Variants in ENPP3 observed in about 807,000 individuals in gnomAD.
The protein encoded by ENPP3 is ectonucleotide pyrophosphatase/phosphodiesterase 3, also known as ectonucleotide pyrophosphatase/phosphodiesterase family member 3.
Under a neutral mutation model 117.8 loss-of-function variants are expected in ENPP3, and 104 were observed. That is an observed-to-expected ratio of 0.88 (90% CI 0.75 to 1.04). The LOEUF is 1.04. ENPP3 is among the 50% of genes least tolerant of loss of function. The pLI, the probability that ENPP3 is intolerant of heterozygous loss-of-function variation, is 0.00. For synonymous variants in ENPP3, 380 were observed against 349.9 expected (o/e 1.09, Z -0.96); for missense variants, 1,026 against 1,051.9 (o/e 0.98, Z 0.34).
chr6:131,678,907 CTCTTTCTTTCTTTCTTTCTTTCTT>C (rs60304793), intron 11 of ENPP3, among the ~76,000 whole-genome samples: 11 of 71,720 alleles, frequency 1.5e-4, no homozygotes, highest in African/African-American at 5.2e-4. Flanking sequence ...CTTTCTTTCT[CTCTTTCTTTCTTTCTTTCTTTCTT>C]TCTTTCTTTC....
At chr6:131,680,174 A>G (rs1778994151) in intron 11 of ENPP3, among the ~76,000 whole-genome samples, 1 of 152,202 alleles carries the variant, frequency 6.6e-6, no homozygotes, top group Non-Finnish European at 1.5e-5. Context: ...CAGAAAAGAG[A>G]TAACAGTGAT....
In ENPP3 at chr6:131,672,154, G is replaced by A. The variant is rs181833899; in HGVS notation, c.642+827G>A. On this transcript the variant is annotated intron_variant, in intron 7 of 24. Transcript: ENST00000357639. ...GGTCATTTGCAGCCATCACAAAGAAGCACAAAAAGTTGAGTTGCCCAATGC... is the reference window on the plus strand; with the variant it reads ...GGTCATTTGCAGCCATCACAAAGAAACACAAAAAGTTGAGTTGCCCAATGC... Among the ~76,000 whole-genome samples the A allele has an allele frequency of 7.2e-4, 109 of 152,294 alleles. No homozygotes were observed. The East Asian group carries it at 0.018, about 26-fold the overall frequency.
chr6:131,669,478 G>A (rs1036432113), intron 6 of ENPP3, among the ~76,000 whole-genome samples: 2 of 151,550 alleles, frequency 1.3e-5, no homozygotes, highest in Non-Finnish European at 2.9e-5. Flanking sequence ...ATCGAGACAA[G>A]CCTGGCTAAC....
At chr6:131,660,963 T>C (rs1778486519) in intron 6 of ENPP3, among the ~76,000 whole-genome samples, 1 of 152,230 alleles carries the variant, frequency 6.6e-6, no homozygotes, top group Admixed American at 6.5e-5. Flanking sequence ...GATAACCTCA[T>C]ATAAGTGGAA....
At chr6:131,722,130 G>T (rs1401076666) in intron 17 of ENPP3, 97 bp from the exon 18 acceptor site, 5 of 786,182 alleles carry the variant, frequency 6.4e-6, no homozygotes, top group Non-Finnish European at 1.0e-5. Context: ...TTATTAAAGG[G>T]AGTGAAAGAG....
intron 17 of ENPP3, 150 bp from the exon 18 acceptor site, chr6:131,722,077 A>C (rs138117436): frequency 1.7e-6 from 1 of 589,016 alleles, no homozygotes; most frequent in Non-Finnish European, 3.0e-6. Flanking sequence ...AAAGTCAGTA[A>C]ACTGAATGGC....
At chr6:131,709,787 C>G (rs746243000) in intron 15 of ENPP3, 1 of 1,613,500 alleles carries the variant, frequency 6.2e-7, no homozygotes, top group African/African-American at 1.3e-5. Flanking sequence ...TCTTCTTCCT[C>G]TATTCGGTAA....
chr6:131,661,213 T>A (rs1778492728), intron 6 of ENPP3, among the ~76,000 whole-genome samples: 1 of 152,150 alleles, frequency 6.6e-6, no homozygotes, highest in Non-Finnish European at 1.5e-5. Flanking sequence ...CTCTTTGAGA[T>A]CCTGATTTCA....
At chr6:131,720,968 G>A (rs1311646289) in intron 17 of ENPP3, among the ~76,000 whole-genome samples, 1 of 151,872 alleles carries the variant, frequency 6.6e-6, no homozygotes, top group Admixed American at 6.6e-5. Context: ...ATAAAACTTA[G>A]GTAAATAATA....
intron 2 of ENPP3, among the ~76,000 whole-genome samples, chr6:131,645,768 G>A (rs1778141904): frequency 6.6e-6 from 1 of 151,872 alleles, no homozygotes; most frequent in African/African-American, 2.4e-5. Flanking sequence ...AATACATTTG[G>A]TATTTTAATA....
rs1780651240 is a variant in ENPP3, at chr6:131,747,003, T to A, written c.*47T>A. On this transcript the variant is annotated 3_prime_UTR_variant, in exon 25 of 25. Coordinates refer to ENST00000357639, the MANE Select transcript of ENPP3 (RefSeq NM_005021.5). ...TATAATTTACTGTATAAAGTAATTT[T>A]GGCAAAATATAAGTGATTTTTTTCT... 1 of 1,098,906 alleles carries A rather than the reference T, an allele frequency of 9.1e-7. No homozygotes were observed. The allele number at this position is 1,098,906 out of a possible 1,614,324, so 68.1% of individuals were successfully genotyped here.
At chr6:131,689,153 C>G (rs1426945378) in intron 14 of ENPP3, among the ~76,000 whole-genome samples, 2 of 152,154 alleles carry the variant, frequency 1.3e-5, no homozygotes, top group Non-Finnish European at 2.9e-5. Flanking sequence ...GACATAGAAG[C>G]TGCAGCAAGT....
intron 15 of ENPP3, among the ~76,000 whole-genome samples, chr6:131,714,766 T>C (rs1487749153): frequency 6.7e-6 from 1 of 149,034 alleles, no homozygotes; most frequent in Non-Finnish European, 1.5e-5. Context: ...TGGTACTAGA[T>C]GATGTGAATG....
At chr6:131,656,099 G>A (rs1778378887) in intron 5 of ENPP3, among the ~76,000 whole-genome samples, 1 of 152,132 alleles carries the variant, frequency 6.6e-6, no homozygotes, top group South Asian at 2.1e-4. Flanking sequence ...TCATAGTATA[G>A]TAAGGAGCTT....
intron 23 of ENPP3, among the ~76,000 whole-genome samples, chr6:131,738,860 T>G (rs576986406): frequency 6.6e-6 from 1 of 152,334 alleles, no homozygotes; most frequent in African/African-American, 2.4e-5. Context: ...CTATACCTTC[T>G]GATAAAGTAA....
At chr6:131,651,669 G>T (rs1403678534) in intron 3 of ENPP3, among the ~76,000 whole-genome samples, 1 of 152,168 alleles carries the variant, frequency 6.6e-6, no homozygotes, top group African/African-American at 2.4e-5. Context: ...TGGTGGTGGG[G>T]GGGTGTCCAG....
chr6:131,650,250 C>A, intron 3 of ENPP3, 101 bp downstream of exon 3: 1 of 1,290,942 alleles, frequency 7.7e-7, no homozygotes, highest in Non-Finnish European at 1.1e-6. Flanking sequence ...GACAGAGTGT[C>A]ACTCTGTTGC....
intron 5 of ENPP3, among the ~76,000 whole-genome samples, chr6:131,656,537 G>A (rs1778388600): frequency 6.6e-6 from 1 of 152,164 alleles, no homozygotes; most frequent in African/African-American, 2.4e-5. Flanking sequence ...GGAGGCTGAG[G>A]CAGGCAGATC....
In ENPP3 at chr6:131,653,313, T is replaced by TC. The variant is rs1491337069; in HGVS notation, c.464+422_464+423insC. 2.0e-4 allele frequency among the ~76,000 whole-genome samples: 12 copies of TC among 58,900 alleles called. No homozygotes were observed. In the South Asian group the frequency reaches 3.3e-3, roughly 16 times the overall value. 38.6% of individuals were successfully genotyped at this position (58,900 alleles called of 152,430 possible). On this transcript the variant is annotated intron_variant, in intron 5 of 24. Transcript: ENST00000357639. ...TTGGCTAATTTTTTATTTTTCTCTCTTTTTTTTTTTTTTTTGTACAGATGA... is the reference window on the plus strand; with the variant it reads ...TTGGCTAATTTTTTATTTTTCTCTCTCTTTTTTTTTTTTTTTGTACAGATGA...
Sources: gnomAD v4.1 joint callset for allele counts (sites outside exome capture counted in the v4.1 genomes callset) on GRCh38, gnomAD v4.1.1 for gene constraint, MANE v1.5 for transcripts, NCBI Gene and HGNC (gene_info 2026-07-23, HGNC 2026-07-21) for gene names.